The following RHPN1 variants were observed in gnomAD, a reference collection of about 807,000 sequenced individuals.
RHPN1 encodes rhophilin-1.
Under a neutral mutation model 74.7 loss-of-function variants are expected in RHPN1, and 77 were observed. The observed-to-expected ratio is 1.03, with a 90% CI of 0.86 to 1.25. The LOEUF is 1.25. Ranked by LOEUF, RHPN1 falls within the 50% of genes most tolerant of loss-of-function variation. RHPN1 has a pLI of 0.00. For missense variants in RHPN1, 987 were observed against 932.2 expected, an observed-to-expected ratio of 1.06 and a Z score of -0.77; for synonymous variants, 444 against 414.5, an observed-to-expected ratio of 1.07 and a Z score of -0.87.
At chr8:143,366,237 C>G (rs1205582118), upstream of RHPN1, among the ~76,000 whole-genome samples, 1 of 152,108 alleles carries the variant, frequency 6.6e-6, no homozygotes, top group Non-Finnish European at 1.5e-5. Flanking sequence ...ACTGCCGTGC[C>G]CCTCCCGCCG....
At chr8:143,371,757 C>T (rs559973479) in intron 1 of RHPN1, among the ~76,000 whole-genome samples, 71 of 152,296 alleles carry the variant, frequency 4.7e-4, no homozygotes, top group African/African-American at 1.7e-3. Context: ...TAATGCAAGG[C>T]GGAAATGGCC....
chr8:143,379,652 G>C (rs1056065374), intron 8 of RHPN1, 144 bp downstream of exon 8: 6 of 1,444,158 alleles, frequency 4.2e-6, no homozygotes, highest in South Asian at 1.4e-5. Context: ...TGGGGGGGCT[G>C]GTCAGGAACC....
chr8:143,377,309 G>T, intron 3 of RHPN1, 71 bp from the exon 4 acceptor site: 3 of 1,260,334 alleles, frequency 2.4e-6, no homozygotes, highest in Non-Finnish European at 3.5e-6. Context: ...AGAGCCCTAG[G>T]AGTGGACCCC....
At chr8:143,372,234 G>T (rs1282961725) in intron 1 of RHPN1, among the ~76,000 whole-genome samples, 3 of 151,938 alleles carry the variant, frequency 2.0e-5, no homozygotes, top group Non-Finnish European at 4.4e-5. Context: ...GCTGCGGTGG[G>T]TGGCACGGGG....
chr8:143,368,507 A>G (rs1817613977), upstream of RHPN1: 1 of 152,654 alleles, frequency 6.6e-6, no homozygotes, highest in Non-Finnish European at 1.5e-5. Context: ...AAGGGAGCCG[A>G]GGAGCTAGGC....
At position 143,383,367 on chromosome 8, in the gene RHPN1, C is replaced by T. The variant is rs1011409049; in HGVS notation, c.*716C>T. On this transcript the variant is annotated 3_prime_UTR_variant, in exon 15 of 15. Coordinates refer to ENST00000289013, the MANE Select transcript of RHPN1 (RefSeq NM_052924.3). ...CTGCTCTGAGCATGGGTGCCACCCT[C>T]CAGCTCCTGGGCGTGTCACTTCTCT... The T allele has an allele frequency of 6.6e-6, 1 of 152,376 alleles. No homozygotes were observed. Among genetic ancestry groups the T allele is most frequent in the Non-Finnish European group, 1.5e-5 (1 of 68,164 alleles). The allele number at this position is 152,376 out of a possible 1,614,324, so 9.4% of individuals were successfully genotyped here.
Position 143,378,356 on chromosome 8 carries a change from TCC to T in RHPN1, c.459+14_459+15del. On this transcript the variant is annotated intron_variant, in intron 5 of 14. Coordinates refer to ENST00000289013, the MANE Select transcript of RHPN1 (RefSeq NM_052924.3). Reference sequence around the variant, plus strand: ...GGAGGCCCTGCGGCAGGTGTGTGGTTCCCCCGCCCACCCACCCTCCTGCAGCC... The same window carrying T: ...GGAGGCCCTGCGGCAGGTGTGTGGTTCCCGCCCACCCACCCTCCTGCAGCC... The T allele has an allele frequency of 3.9e-6, 6 of 1,525,422 alleles. No individual in the cohort carries two copies. Among genetic ancestry groups the T allele is most frequent in the Non-Finnish European group, 3.5e-6 (4 of 1,136,336 alleles). The allele number at this position is 1,525,422 out of a possible 1,614,324, so 94.5% of individuals were successfully genotyped here.
At chr8:143,374,172 C>T in intron 1 of RHPN1, 1 of 985,448 alleles carries the variant, frequency 1.0e-6, no homozygotes, top group Non-Finnish European at 1.2e-6. Flanking sequence ...CGTGTGAGCT[C>T]TTTACGGGGA....
In RHPN1 at chr8:143,379,435, G is replaced by T; in HGVS notation, c.872G>T (p.Gly291Val). Residue 291 changes from glycine (G) to valine (V), a missense_variant, in exon 8 of 15, where the codon GGC becomes GTC. Coordinates refer to ENST00000289013, the MANE Select transcript of RHPN1 (RefSeq NM_052924.3). ...MAQAQECVFEGLSPPASMAPQ... is the reference protein window; with the variant it reads ...MAQAQECVFEVLSPPASMAPQ... ...CAGGCCCAGGAATGTGTGTTTGAGG[G>T]CCTCTCACCACCTGCCTCCATGGCC... 6.3e-7 allele frequency: 1 copy of T among 1,578,266 alleles called. No homozygotes were observed.
intron 1 of RHPN1, 50 bp downstream of exon 1, chr8:143,369,097 T>C: frequency 1.5e-6 from 2 of 1,377,470 alleles, no homozygotes; most frequent in African/African-American, 1.5e-5. Flanking sequence ...AATCCCGGCC[T>C]TTTCCTGCCC....
intron 1 of RHPN1, 89 bp downstream of exon 1, chr8:143,369,136 C>G (rs1375374884): frequency 1.0e-6 from 1 of 993,978 alleles, no homozygotes; most frequent in African/African-American, 1.7e-5. Flanking sequence ...GGGCGCCCCC[C>G]TCCTACGTCT....
rs769730931 is a variant in RHPN1 at position 143,376,544 on chromosome 8, G to A, written c.196G>A (p.Val66Met). 1.9e-6 allele frequency: 3 copies of A among 1,612,328 alleles called. No homozygotes were observed. Among genetic ancestry groups the A allele is most frequent in the African/African-American group, 2.7e-5 (2 of 74,930 alleles). Residue 66 changes from valine to methionine, a missense_variant, in exon 3 of 15, where the codon GTG (valine) becomes ATG (methionine). Transcript: ENST00000289013. ...NLYRATSNNR[V>M]RETVALELSY... ...CCTCAGAGCCACCAGCAACAACCGG[G>A]TGAGAGAGACGGTCGCCCTGGAGCT...
chr8:143,378,987 C>T lies in RHPN1; in HGVS notation c.660C>T (p.Ile220=), dbSNP rs766562704. 36 of 1,556,350 alleles carry T rather than the reference C, an allele frequency of 2.3e-5. No homozygotes were observed. Among genetic ancestry groups the T allele is most frequent in the Non-Finnish European group, 2.8e-5 (32 of 1,150,690 alleles). ...AFEKGSVLFN[I]GALHTQIGAR... is the part of the protein sequence containing the mutation. ...AGAAGGGCAGCGTTCTCTTCAACATCGGTGCCCTCCACACGCAGATTGGGG... is the reference window on the plus strand; with the variant it reads ...AGAAGGGCAGCGTTCTCTTCAACATTGGTGCCCTCCACACGCAGATTGGGG... Residue 220 remains isoleucine, a synonymous_variant, in exon 7 of 15, where the codon ATC becomes ATT. Transcript: ENST00000289013.
At position 143,374,293 on chromosome 8, in the gene RHPN1, G is replaced by C. The variant is rs940729506; in HGVS notation, c.61-1260G>C. 1.7e-5 allele frequency: 17 copies of C among 985,342 alleles called. No homozygotes were observed. In the East Asian group the frequency reaches 1.0e-3, roughly 59 times the overall value. 61.0% of individuals were successfully genotyped at this position (985,342 alleles called of 1,614,324 possible). A position where few individuals can be genotyped will look rare whatever the true frequency, so the allele number is the denominator to read the frequency against. Reference sequence around the variant, plus strand: ...CCATGAATCCGCAGCTTCATGCAGTGGTAGGTCAGTTTCATGGTGGCAAGA... The same window carrying C: ...CCATGAATCCGCAGCTTCATGCAGTCGTAGGTCAGTTTCATGGTGGCAAGA... On this transcript the variant is annotated intron_variant, in intron 1 of 14. Coordinates refer to ENST00000289013, the MANE Select transcript of RHPN1 (RefSeq NM_052924.3).
upstream of RHPN1, among the ~76,000 whole-genome samples, chr8:143,364,267 C>A (rs1817535961): frequency 1.3e-5 from 2 of 152,258 alleles, no homozygotes; most frequent in African/African-American, 4.8e-5. This position sits in a 1 kb window ranked among gnomAD's most constrained non-coding sequence, Gnocchi z 4.5. Context: ...TTCCCCATAT[C>A]CTTTTCTTTT....
chr8:143,366,508 AAC>A (rs10642629), upstream of RHPN1: 7,299 of 148,168 alleles, frequency 0.049, 287 homozygotes, highest in African/African-American at 0.11. Flanking sequence ...ACCCCCCTCC[AAC>A]ACACACACAC....
intron 12 of RHPN1, 31 bp downstream of exon 12, chr8:143,381,375 G>A (rs1266929094): frequency 1.3e-6 from 2 of 1,579,008 alleles, no homozygotes; most frequent in African/African-American, 2.7e-5. Flanking sequence ...GCACCGCCCA[G>A]CATGGGCAGC....
Position 143,381,634 on chromosome 8 carries a change from C to G in RHPN1, c.1551C>G (p.Thr517=). Residue 517 remains threonine, a synonymous_variant, in exon 13 of 15, where the codon ACC becomes ACG. Transcript: ENST00000289013. ...GGCTGGTGGGGCCCGTCCACCTGAC[C>G]CGAGGAGAGGGCGGCTTTGGCCTCA... is the stretch of plus-strand genomic sequence containing the variant. ...RWRLVGPVHL[T]RGEGGFGLTL... is the part of the protein sequence containing the mutation. The G allele has an allele frequency of 6.2e-7, 1 of 1,610,840 alleles. No homozygotes were observed. The highest frequency in any genetic ancestry group is 1.1e-5 in the South Asian group (1 of 90,962).
chr8:143,373,789 T>A (rs1190944277), intron 1 of RHPN1, among the ~76,000 whole-genome samples: 1 of 151,984 alleles, frequency 6.6e-6, no homozygotes, highest in Non-Finnish European at 1.5e-5. Flanking sequence ...GCCACCTCCA[T>A]GTGACTGTGT....
Sources: gnomAD v4.1 joint callset for allele counts (sites outside exome capture counted in the v4.1 genomes callset) on GRCh38, gnomAD v4.1.1 for gene constraint, Gnocchi (gnomAD v3.1) non-coding constraint, MANE v1.5 for transcripts, NCBI Gene and HGNC (gene_info 2026-07-23, HGNC 2026-07-21) for gene names.